Variants in RPTOR observed in about 807,000 individuals in gnomAD.
The protein encoded by RPTOR is regulatory associated protein of MTOR complex 1, also known as regulatory-associated protein of mTOR.
RPTOR carries 21 observed loss-of-function variants against 169.9 expected under a neutral mutation model. The observed-to-expected ratio is 0.12, with a 90% CI of 0.09 to 0.18. The LOEUF (loss-of-function observed/expected upper bound fraction) is 0.18, where lower values mean the gene tolerates loss of function less well. Among genes scored for constraint, RPTOR ranks in the 10% least tolerant of loss-of-function variants. The probability of loss-of-function intolerance (pLI) is 1.00; values close to 1 mark genes in which losing one functional copy is unlikely to be tolerated. For missense variants in RPTOR, 1,133 were observed against 1,855.9 expected (o/e 0.61, Z 7.16); for synonymous variants, 732 against 753.2 (o/e 0.97, Z 0.46).
chr17:80,876,557 G>T, intron 13 of RPTOR, among the ~76,000 whole-genome samples: 1 of 121,690 alleles, frequency 8.2e-6, no homozygotes, highest in African/African-American at 3.7e-5. Context: ...CCGAGCCTGT[G>T]CCACGCAGGG....
chr17:80,825,157 A>G (rs1301091897), intron 9 of RPTOR, among the ~76,000 whole-genome samples: 18 of 108,054 alleles, frequency 1.7e-4, no homozygotes, highest in Admixed American at 3.5e-4. Flanking sequence ...CGAGGCCAGT[A>G]TGGGGCAGCC....
chr17:80,753,373 G>C (rs939095374), intron 5 of RPTOR, among the ~76,000 whole-genome samples: 1 of 121,648 alleles, frequency 8.2e-6, no homozygotes, highest in African/African-American at 2.7e-5. Context: ...GGTGGCTCAC[G>C]CCTGTAATCC....
At position 80,844,636 on chromosome 17, in the gene RPTOR, G is replaced by A. The variant is rs974494970; in HGVS notation, c.1213-1837G>A. Among the ~76,000 whole-genome samples, 1 of 152,218 alleles carries A rather than the reference G, an allele frequency of 6.6e-6. No individual in the cohort carries two copies. The highest frequency in any genetic ancestry group is 1.5e-5 in the Non-Finnish European group (1 of 68,036). ...AACTTTCTGTAAGCTGGCTGCACAG[G>A]AGCACGGATTCCTACGTGGTGAATG... On this transcript the variant is annotated intron_variant, in intron 10 of 33. Transcript: ENST00000306801. The surrounding 1 kb of genome is among the most constrained non-coding windows in gnomAD (Gnocchi z 4.7).
intron 3 of RPTOR, among the ~76,000 whole-genome samples, chr17:80,691,699 G>A (rs998095016): frequency 1.1e-4 from 17 of 152,184 alleles, no homozygotes; most frequent in East Asian, 3.8e-4. Flanking sequence ...AATCAGCCAC[G>A]TGTCTGTCTC....
At chr17:80,906,736 C>T (rs903180854) in intron 20 of RPTOR, among the ~76,000 whole-genome samples, 2 of 151,744 alleles carry the variant, frequency 1.3e-5, no homozygotes, top group African/African-American at 4.8e-5. Flanking sequence ...AGCAGCAGAG[C>T]GTGACCTCCT....
chr17:80,555,078 C>T (rs2084392406), intron 1 of RPTOR, among the ~76,000 whole-genome samples: 1 of 152,118 alleles, frequency 6.6e-6, no homozygotes, highest in African/African-American at 2.4e-5. Context: ...CGTAAAGGGG[C>T]CCTGCTGCCA....
chr17:80,864,173 T>C (rs779044339), intron 13 of RPTOR, among the ~76,000 whole-genome samples: 8 of 152,132 alleles, frequency 5.3e-5, no homozygotes, highest in Non-Finnish European at 8.8e-5. Flanking sequence ...ACAAGAAAAC[T>C]ACACGAAGGC....
rs531619794 is a variant in RPTOR at position 80,853,247 on chromosome 17, G to T, written c.1315-2217G>T. ...GGCCCCTCCCCCATCACTGACCTCA[G>T]TCATACTGGTAGCCCGTGCATCCTC... On this transcript the variant is annotated intron_variant, in intron 11 of 33. Coordinates refer to ENST00000306801, the MANE Select transcript of RPTOR (RefSeq NM_020761.3). Among the ~76,000 whole-genome samples the T allele has an allele frequency of 3.9e-4, 60 of 152,228 alleles. 1 individual carries two copies. Among genetic ancestry groups the T allele is most frequent in the African/African-American group, 1.4e-3 (57 of 41,518 alleles).
rs992025415 is a variant in RPTOR at position 80,644,308 on chromosome 17, T to G, written c.348+498T>G. ...AGCCAGTTACCAATTAGTGTGTGGG[T>G]TTTTTTTTTTTTTTTTTTGGCTTAT... On this transcript the variant is annotated intron_variant, in intron 3 of 33. Transcript: ENST00000306801. Among the ~76,000 whole-genome samples, 19 of 13,490 alleles carry G rather than the reference T, an allele frequency of 1.4e-3. 1 individual carries two copies. The South Asian group carries it at 0.027, about 19-fold the overall frequency. The allele number at this position is 13,490 out of a possible 152,430, so 8.8% of individuals were successfully genotyped here. A position where few individuals can be genotyped will look rare whatever the true frequency, so the allele number is the denominator to read the frequency against.
At chr17:80,620,866 T>G (rs2065349220) in intron 1 of RPTOR, among the ~76,000 whole-genome samples, 2 of 152,270 alleles carry the variant, frequency 1.3e-5, no homozygotes, top group Admixed American at 1.3e-4. Context: ...GGATATGTGA[T>G]AGTACTGTCT....
At chr17:80,834,625 C>T (rs1322673135) in intron 9 of RPTOR, among the ~76,000 whole-genome samples, 1 of 152,210 alleles carries the variant, frequency 6.6e-6, no homozygotes, top group Non-Finnish European at 1.5e-5. Context: ...CAACATGGGT[C>T]ACGTGTCCGA....
At chr17:80,675,567 C>G (rs60017997) in intron 3 of RPTOR, among the ~76,000 whole-genome samples, 3,069 of 152,332 alleles carry the variant, frequency 0.02, 118 homozygotes, top group African/African-American at 0.07. Flanking sequence ...CCCTCAGACA[C>G]CATGCCAGCA....
chr17:80,704,390 AAC>A (rs2066126751), intron 3 of RPTOR, among the ~76,000 whole-genome samples: 1 of 152,232 alleles, frequency 6.6e-6, no homozygotes, highest in African/African-American at 2.4e-5. Flanking sequence ...TCTCACCAAG[AAC>A]ACAAATAAAC....
rs972449216 is a variant in RPTOR, at chr17:80,674,026, A to G, written c.348+30216A>G. 3.3e-5 allele frequency among the ~76,000 whole-genome samples: 5 copies of G among 152,348 alleles called. No individual in the cohort carries two copies. In the South Asian group the frequency reaches 6.2e-4, roughly 19 times the overall value. On this transcript the variant is annotated intron_variant, in intron 3 of 33. Transcript: ENST00000306801. ...AAAATTAATTGTCCACTTGAAAACT[A>G]CTGATTTCTTTGGTGCATTGCCCCC...
At chr17:80,883,395 C>G (rs754436112) in intron 14 of RPTOR, 24 bp from the exon 15 acceptor site, 1 of 1,612,864 alleles carries the variant, frequency 6.2e-7, no homozygotes, top group Non-Finnish European at 8.5e-7. Context: ...GGGGAGACGA[C>G]CAGGACTGGT....
At chr17:80,868,462 G>A (rs1156866346) in intron 13 of RPTOR, among the ~76,000 whole-genome samples, 1 of 152,216 alleles carries the variant, frequency 6.6e-6, no homozygotes, top group East Asian at 1.9e-4. Flanking sequence ...AGATGCCTAA[G>A]AAGCTGCTGT....
chr17:80,751,815 C>T (rs975800816), intron 5 of RPTOR, among the ~76,000 whole-genome samples: 7 of 152,218 alleles, frequency 4.6e-5, no homozygotes, highest in African/African-American at 1.7e-4. Flanking sequence ...CTCTGTCATG[C>T]GATGCTCCAG....
At chr17:80,862,571 C>T (rs891580998) in intron 13 of RPTOR, among the ~76,000 whole-genome samples, 11 of 150,866 alleles carry the variant, frequency 7.3e-5, no homozygotes, top group African/African-American at 2.5e-4. Context: ...TCTGCTCCGC[C>T]CCCTCGTGTT....
chr17:80,948,918 A>T (rs1258406137), intron 27 of RPTOR, among the ~76,000 whole-genome samples: 4 of 152,150 alleles, frequency 2.6e-5, no homozygotes, highest in Non-Finnish European at 5.9e-5. Flanking sequence ...CGGAGAGCCC[A>T]GACGTCTGCA....
Sources: allele counts gnomAD v4.1 joint callset (sites outside exome capture counted in the v4.1 genomes callset), GRCh38; gene constraint gnomAD v4.1.1; non-coding constraint Gnocchi (gnomAD v3.1); transcripts MANE v1.5; gene names NCBI Gene and HGNC (gene_info 2026-07-23, HGNC 2026-07-21).